The following GTF3C2 variants were observed in gnomAD, a reference collection of about 807,000 sequenced individuals.
GTF3C2 encodes the protein general transcription factor 3C polypeptide 2.
Under a neutral mutation model 117.4 loss-of-function variants are expected in GTF3C2, and 17 were observed. That is an observed-to-expected ratio of 0.14 (90% CI 0.10 to 0.22). The LOEUF (loss-of-function observed/expected upper bound fraction) is 0.22, where lower values mean the gene tolerates loss of function less well. Ranked by LOEUF, GTF3C2 falls within the 10% of genes least tolerant of loss-of-function variation. The pLI is 1.00. For synonymous variants in GTF3C2, 437 were observed against 427.0 expected, an observed-to-expected ratio of 1.02 and a Z score of -0.29; for missense variants, 888 against 1,143.6, an observed-to-expected ratio of 0.78 and a Z score of 3.22.
At chr2:27,332,387 C>T (rs1373801566) in intron 12 of GTF3C2, among the ~76,000 whole-genome samples, 3 of 151,752 alleles carry the variant, frequency 2.0e-5, no homozygotes, top group Admixed American at 2.0e-4. Flanking sequence ...TGATGTTCCT[C>T]ACTTTTTAAT....
In GTF3C2 at chr2:27,348,895, G is replaced by A. The variant is rs546672028; in HGVS notation, c.-24-5317C>T. On this transcript the variant is annotated intron_variant, in intron 1 of 18. Transcript: ENST00000264720. ...CTTGTCACCCAGGCTGGAGTGCAGTGGCCTGATCTCAGCTCACTGCAACCT... is the reference window on the plus strand; with the variant it reads ...CTTGTCACCCAGGCTGGAGTGCAGTAGCCTGATCTCAGCTCACTGCAACCT... 2.0e-5 allele frequency among the ~76,000 whole-genome samples: 3 copies of A among 152,224 alleles called. No homozygotes were observed. The East Asian group carries it at 5.8e-4, about 29-fold the overall frequency.
At chr2:27,326,196 CG>C in exon 19 of GTF3C2, 1 of 471,784 alleles carries the variant, frequency 2.1e-6, no homozygotes, top group Non-Finnish European at 4.4e-6. Context: ...CTATCACCCT[CG>C]TGGGCATACA....
At chr2:27,350,868 G>A (rs753517542) in intron 1 of GTF3C2, among the ~76,000 whole-genome samples, 1 of 149,796 alleles carries the variant, frequency 6.7e-6, no homozygotes, top group African/African-American at 2.5e-5. Context: ...AGAATCGCTT[G>A]AATACAGGAG....
rs769753454 is a variant in GTF3C2 at position 27,336,203 on chromosome 2, T to G, written c.1350A>C (p.Glu450Asp). ...AGTGTCCAACCCCACCTCACCAGCT[T>G]TCTTGCTGCAAGGTCCCAAGGCCCC... The change falls in exon 8 of 19, where the codon GAA (glutamate) becomes GAC (aspartate). Residue 450 changes from glutamate (E) to aspartate (D), a missense_variant. Around this residue, in one of 7 missense-constraint regions of GTF3C2, gnomAD observed 277 missense variants for 445.4 expected, o/e 0.62. Transcript: ENST00000264720. The G allele has an allele frequency of 6.0e-5, 97 of 1,612,358 alleles. No individual in the cohort carries two copies. The highest frequency in any genetic ancestry group is 7.4e-5 in the Non-Finnish European group (87 of 1,178,620).
chr2:27,337,951 T>C (rs1680557100), exon 5 of GTF3C2: 1 of 1,610,426 alleles, frequency 6.2e-7, no homozygotes. Flanking sequence ...TGGAGGCACT[T>C]CCAAACAGGA....
intron 4 of GTF3C2, among the ~76,000 whole-genome samples, chr2:27,338,601 G>C (rs1050031688): frequency 1.3e-5 from 2 of 152,092 alleles, no homozygotes; most frequent in Non-Finnish European, 2.9e-5. Context: ...CGCAATCTTG[G>C]CTCACTGCAG....
At chr2:27,326,702 G>C in exon 19 of GTF3C2, 2 of 1,614,028 alleles carry the variant, frequency 1.2e-6, no homozygotes, top group Non-Finnish European at 1.7e-6. Context: ...GGCGATGGCT[G>C]GTTGGAGAGA....
intron 1 of GTF3C2, among the ~76,000 whole-genome samples, chr2:27,347,960 C>G (rs1430396191): frequency 6.6e-6 from 1 of 151,890 alleles, no homozygotes; most frequent in Non-Finnish European, 1.5e-5. Flanking sequence ...ATGGCAAAAC[C>G]CTGTCTCTAC....
Position 27,329,602 on chromosome 2 carries a change from G to A in GTF3C2, c.1733-79C>T. The A allele has an allele frequency of 3.5e-6, 5 of 1,420,750 alleles. No individual in the cohort carries two copies. The highest frequency in any genetic ancestry group is 4.9e-6 in the Non-Finnish European group (5 of 1,023,540). The allele number at this position is 1,420,750 out of a possible 1,614,324, so 88.0% of individuals were successfully genotyped here. A position where few individuals can be genotyped will look rare whatever the true frequency, so the allele number is the denominator to read the frequency against. ...TCTAATTTCTTTCTCTGGGCTCCTA[G>A]GACCTTTGTCTTCTACCCTCAGATC... On this transcript the variant is annotated intron_variant, in intron 12 of 18. Transcript: ENST00000264720. The surrounding 1 kb of genome is among the most constrained non-coding windows in gnomAD (Gnocchi z 4.5).
chr2:27,339,278 G>A (rs1680625482), intron 4 of GTF3C2, among the ~76,000 whole-genome samples: 1 of 151,670 alleles, frequency 6.6e-6, no homozygotes, highest in Non-Finnish European at 1.5e-5. Context: ...GTGGTGGTGT[G>A]CACCCGTAAT....
At chr2:27,338,446 GCACGCGCACGCGCGCA>G (rs1250662477) in intron 4 of GTF3C2, among the ~76,000 whole-genome samples, 4,674 of 145,522 alleles carry the variant, frequency 0.032, 211 homozygotes, top group African/African-American at 0.12. Flanking sequence ...ACACAGGCGC[GCACGCGCACGCGCGCA>G]CACACACACA....
At chr2:27,331,473 G>A (rs770296785) in intron 12 of GTF3C2, among the ~76,000 whole-genome samples, 3 of 151,988 alleles carry the variant, frequency 2.0e-5, no homozygotes, top group Admixed American at 6.6e-5. Context: ...CTACAGGCAC[G>A]CGCCATCCTG....
chr2:27,344,533 T>G (rs906986389), intron 1 of GTF3C2, among the ~76,000 whole-genome samples: 1 of 151,978 alleles, frequency 6.6e-6, no homozygotes, highest in African/African-American at 2.4e-5. Flanking sequence ...AGAGAAAAAT[T>G]TGTCTAGCAT....
chr2:27,343,377 A>G, exon 2 of GTF3C2: 1 of 1,614,128 alleles, frequency 6.2e-7, no homozygotes, highest in South Asian at 1.1e-5. Flanking sequence ...GAATCCTCAA[A>G]TCCAGGCAAA....
At chr2:27,326,261 A>C in exon 19 of GTF3C2, 2 of 473,678 alleles carry the variant, frequency 4.2e-6, no homozygotes, top group Non-Finnish European at 8.7e-6. Flanking sequence ...GGATCCTGGA[A>C]TAGTCAGACA....
At chr2:27,346,510 CCTGA>C (rs749140136) in intron 1 of GTF3C2, among the ~76,000 whole-genome samples, 2 of 150,902 alleles carry the variant, frequency 1.3e-5, no homozygotes, top group African/African-American at 2.4e-5. Flanking sequence ...CACCACCATG[CCTGA>C]CTAATTTTTG....
chr2:27,344,795 G>C (rs1333852410), intron 1 of GTF3C2, among the ~76,000 whole-genome samples: 1 of 151,938 alleles, frequency 6.6e-6, no homozygotes, highest in East Asian at 1.9e-4. Context: ...ACCAGTCTGG[G>C]CAACATAGGG....
At chr2:27,355,519 T>C (rs1681336292) in intron 1 of GTF3C2, among the ~76,000 whole-genome samples, 1 of 137,164 alleles carries the variant, frequency 7.3e-6, no homozygotes, top group African/African-American at 3.0e-5. Context: ...AAACTCCGTA[T>C]CAAAAAAAAA....
At chr2:27,337,661 C>A in intron 5 of GTF3C2, 103 bp from the exon 6 acceptor site, 1 of 842,330 alleles carries the variant, frequency 1.2e-6, no homozygotes, top group South Asian at 1.4e-5. Context: ...TCTGTGCTCC[C>A]CAATATGCCA....
Sources: gnomAD v4.1 joint callset for allele counts (sites outside exome capture counted in the v4.1 genomes callset) on GRCh38, gnomAD v4.1.1 for gene constraint, gnomAD v4.1.1 regional missense constraint, Gnocchi (gnomAD v3.1) non-coding constraint, MANE v1.5 for transcripts, NCBI Gene and HGNC (gene_info 2026-07-23, HGNC 2026-07-21) for gene names.